The following SVIL variants were observed in gnomAD, a reference collection of about 807,000 sequenced individuals.
The protein encoded by SVIL is archvillin.
Under a neutral mutation model 240.4 loss-of-function variants are expected in SVIL, and 101 were observed. That is an observed-to-expected ratio of 0.42 (90% CI 0.36 to 0.50). SVIL has a LOEUF of 0.50. SVIL is among the 20% of genes least tolerant of loss of function. The probability of loss-of-function intolerance (pLI) is 0.01; values close to 1 mark genes in which losing one functional copy is unlikely to be tolerated. For synonymous variants in SVIL, 999 were observed against 1,100.0 expected, an observed-to-expected ratio of 0.91 and a Z score of 1.82; for missense variants, 2,512 against 2,818.7, an observed-to-expected ratio of 0.89 and a Z score of 2.46.
intron 1 of SVIL, among the ~76,000 whole-genome samples, chr10:29,627,739 GA>G (rs1217811341): frequency 1.3e-5 from 2 of 152,212 alleles, no homozygotes; most frequent in African/African-American, 4.8e-5. Context: ...TCTCAAATGG[GA>G]GAATCCTGTG....
At chr10:29,605,112 G>A (rs1007652754) in intron 1 of SVIL, among the ~76,000 whole-genome samples, 1 of 152,164 alleles carries the variant, frequency 6.6e-6, no homozygotes, top group Non-Finnish European at 1.5e-5. Context: ...AGTGTGCAAA[G>A]TACTCTTAGC....
At chr10:29,629,935 A>G (rs755519363) in intron 1 of SVIL, among the ~76,000 whole-genome samples, 1 of 149,112 alleles carries the variant, frequency 6.7e-6, no homozygotes, top group Non-Finnish European at 1.5e-5. Flanking sequence ...AACCATGGTC[A>G]TGCCATTGCA....
intron 1 of SVIL, among the ~76,000 whole-genome samples, chr10:29,602,632 T>C (rs550261837): frequency 3.2e-4 from 49 of 152,354 alleles, no homozygotes; most frequent in Admixed American, 1.2e-3. Flanking sequence ...CTTTGCAATA[T>C]AATGTTTAAA....
intron 6 of SVIL, among the ~76,000 whole-genome samples, chr10:29,541,257 GT>G (rs2132602810): frequency 6.6e-6 from 1 of 152,294 alleles, no homozygotes; most frequent in South Asian, 2.1e-4. Context: ...AACATAATGA[GT>G]TGAACACAGG....
At chr10:29,555,912 G>GCC (rs1266122681) in intron 3 of SVIL, among the ~76,000 whole-genome samples, 1 of 152,214 alleles carries the variant, frequency 6.6e-6, no homozygotes, top group African/African-American at 2.4e-5. Context: ...GCCTAAAGTG[G>GCC]CCGCTTCAAT....
At chr10:29,499,032 C>T (rs901908207) in intron 18 of SVIL, 84 bp downstream of exon 18, 149 of 1,519,478 alleles carry the variant, frequency 9.8e-5, no homozygotes, top group Admixed American at 3.6e-4. Context: ...TGAGCTATCA[C>T]GTACCACCAT....
chr10:29,507,747 G>C, intron 17 of SVIL: 1 of 985,120 alleles, frequency 1.0e-6, no homozygotes, highest in Non-Finnish European at 1.2e-6. Context: ...CTGATTAATC[G>C]ACACAAAAGA....
intron 6 of SVIL, among the ~76,000 whole-genome samples, chr10:29,537,833 G>A (rs1951848751): frequency 6.6e-6 from 1 of 152,166 alleles, no homozygotes; most frequent in Non-Finnish European, 1.5e-5. Flanking sequence ...TGTTTCTCCA[G>A]TAAGATCCTT....
chr10:29,536,113 G>A lies in SVIL; in HGVS notation c.828-44C>T, dbSNP rs368795869. The A allele has an allele frequency of 5.8e-5, 90 of 1,557,058 alleles. No individual in the cohort carries two copies. The African/African-American group carries it at 7.2e-4, about 12-fold the overall frequency. On this transcript the variant is annotated intron_variant, in intron 6 of 37. Coordinates refer to ENST00000355867, the MANE Select transcript of SVIL (RefSeq NM_021738.3). ...AAAACCAGATAATCTCTATTAAAAC[G>A]TCAACATATACACAGACTTTACCAT... is the stretch of plus-strand genomic sequence containing the variant.
In SVIL at chr10:29,684,061, A is replaced by G. The variant is rs570646528; in HGVS notation, c.-301+2492T>C. Among the ~76,000 whole-genome samples, 7 of 152,086 alleles carry G rather than the reference A, an allele frequency of 4.6e-5. No individual in the cohort carries two copies. In the South Asian group the frequency reaches 1.5e-3, roughly 32 times the overall value. ...ACAAAAAGCCAACCACCCCCACCGA[A>G]AAAAACTCCAAAAAACTCTGCTTCC... On this transcript the variant is annotated intron_variant, in intron 2 of 35. Coordinates refer to the SVIL transcript ENST00000375400.
chr10:29,487,262 T>G lies in SVIL; in HGVS notation c.4386A>C (p.Arg1462=), dbSNP rs151269627. ...RHVQTRLVEP[R]ASALNSGDCF... ...AGTCCCCACTGTTGAGCGCCGAAGCTCGAGGTTCCACCAGCCTGGTCTGCA... is the reference window on the plus strand; with the variant it reads ...AGTCCCCACTGTTGAGCGCCGAAGCGCGAGGTTCCACCAGCCTGGTCTGCA... The change falls in exon 24 of 38, where the codon CGA becomes CGC. Residue 1462 remains arginine (R), a synonymous_variant. Transcript: ENST00000355867. 1.5e-5 allele frequency: 24 copies of G among 1,614,164 alleles called. No individual in the cohort carries two copies. The highest frequency in any genetic ancestry group is 3.3e-4 in the Middle Eastern group (2 of 6,062).
intron 1 of SVIL, among the ~76,000 whole-genome samples, chr10:29,627,310 C>T (rs187869428): frequency 8.9e-4 from 135 of 152,046 alleles, no homozygotes; most frequent in African/African-American, 3.2e-3. Context: ...TACAGAATCC[C>T]AATACGTAAA....
intron 6 of SVIL, 24 bp downstream of exon 6, chr10:29,550,573 G>T: frequency 6.4e-7 from 1 of 1,574,742 alleles, no homozygotes. Context: ...CGTTCAGGGT[G>T]CTTAGCGTGG....
At chr10:29,698,980 A>G (rs1268612516) in intron 1 of SVIL, among the ~76,000 whole-genome samples, 1 of 152,198 alleles carries the variant, frequency 6.6e-6, no homozygotes, top group Non-Finnish European at 1.5e-5. Context: ...CCCTCATCGA[A>G]TGACACTATA....
chr10:29,492,633 G>A (rs1297680660), intron 21 of SVIL, among the ~76,000 whole-genome samples: 1 of 152,158 alleles, frequency 6.6e-6, no homozygotes, highest in East Asian at 1.9e-4. Flanking sequence ...ACTTGAAATT[G>A]ACGGACTCCT....
chr10:29,516,941 TTC>T (rs1249570369), intron 16 of SVIL, among the ~76,000 whole-genome samples: 1 of 152,326 alleles, frequency 6.6e-6, no homozygotes, highest in African/African-American at 2.4e-5. Context: ...AAGATGTGTT[TTC>T]TCTCTCTTTT....
rs530953188 is a variant in SVIL at position 29,567,481 on chromosome 10, C to T, written c.-143+1774G>A. Among the ~76,000 whole-genome samples, 395 of 152,314 alleles carry T rather than the reference C, an allele frequency of 2.6e-3. 1 individual carries two copies. Among genetic ancestry groups the T allele is most frequent in the Admixed American group, 5.8e-3 (89 of 15,300 alleles). On this transcript the variant is annotated intron_variant, in intron 2 of 37. Coordinates refer to ENST00000355867, the MANE Select transcript of SVIL (RefSeq NM_021738.3). ...TCTTCTAAGGAAGCAGGCTCTTGTA[C>T]CTCCAGCCCATTTCACACTTAGCAC...
chr10:29,539,158 C>T (rs1335452674), intron 6 of SVIL, among the ~76,000 whole-genome samples: 4 of 138,760 alleles, frequency 2.9e-5, no homozygotes, highest in African/African-American at 8.1e-5. Flanking sequence ...GAGTGAGACT[C>T]GGCCTCTAAT....
At chr10:29,592,183 C>T (rs764734585) in intron 1 of SVIL, among the ~76,000 whole-genome samples, 3 of 152,080 alleles carry the variant, frequency 2.0e-5, no homozygotes, top group Non-Finnish European at 4.4e-5. Context: ...ACCTGGGAGG[C>T]GGAGGTTGCA....
Sources: gnomAD v4.1 joint callset for allele counts (sites outside exome capture counted in the v4.1 genomes callset) on GRCh38, gnomAD v4.1.1 for gene constraint, MANE v1.5 for transcripts, NCBI Gene and HGNC (gene_info 2026-07-23, HGNC 2026-07-21) for gene names.